The following KALRN variants were observed in gnomAD, a reference collection of about 807,000 sequenced individuals.
KALRN encodes kalirin RhoGEF kinase.
In KALRN, 70 loss-of-function variants were observed where a neutral mutation model predicts 353.7. The ratio of observed to expected loss-of-function variants is 0.20; its 90% CI spans 0.16 to 0.24. KALRN has a LOEUF of 0.24. KALRN is among the 10% of genes least tolerant of loss of function. KALRN has a pLI of 1.00. For missense variants in KALRN, 2,791 were observed against 3,756.7 expected (o/e 0.74, Z 6.72); for synonymous variants, 1,391 against 1,434.8 (o/e 0.97, Z 0.69).
chr3:124,670,502 CTT>C (rs1259297989), intron 47 of KALRN, among the ~76,000 whole-genome samples: 2 of 152,062 alleles, frequency 1.3e-5, no homozygotes, highest in Non-Finnish European at 2.9e-5. Context: ...CAGGCTTCTA[CTT>C]ACAGAGATGT....
At chr3:124,072,550 G>A (rs928554216) in intron 1 of KALRN, among the ~76,000 whole-genome samples, 3 of 152,134 alleles carry the variant, frequency 2.0e-5, no homozygotes, top group African/African-American at 7.2e-5. Context: ...TAACAGTGAA[G>A]CCCATCCTCC....
intron 18 of KALRN, among the ~76,000 whole-genome samples, chr3:124,440,839 A>G (rs967823189): frequency 5.3e-5 from 8 of 151,952 alleles, no homozygotes; most frequent in Admixed American, 2.0e-4. Flanking sequence ...TTGTAGAGAA[A>G]TACAGAAAGT....
At chr3:124,150,006 C>A (rs1339181637) in intron 1 of KALRN, among the ~76,000 whole-genome samples, 2 of 152,200 alleles carry the variant, frequency 1.3e-5, no homozygotes, top group African/African-American at 4.8e-5. Flanking sequence ...CCAATGAATG[C>A]CAAGCTGTTA....
At chr3:124,250,236 C>A (rs931728006) in intron 3 of KALRN, among the ~76,000 whole-genome samples, 1 of 152,150 alleles carries the variant, frequency 6.6e-6, no homozygotes, top group Non-Finnish European at 1.5e-5. Flanking sequence ...GGACTGTTTC[C>A]TGGAGGAAAC....
intron 10 of KALRN, among the ~76,000 whole-genome samples, chr3:124,377,275 C>G (rs924598327): frequency 6.6e-6 from 1 of 152,156 alleles, no homozygotes; most frequent in African/African-American, 2.4e-5. Context: ...ACTATGGACA[C>G]CTGGTTAACT....
Position 124,490,833 on chromosome 3 carries a change from G to C in KALRN, c.4536G>C (p.Glu1512Asp). Residue 1512 changes from glutamate to aspartate, a missense_variant, in exon 30 of 60, where the codon GAG becomes GAC. Coordinates refer to ENST00000682506, the MANE Select transcript of KALRN (RefSeq NM_001388419.1). ...AGATCTCCTTGGTTTTTAGCAAGGA[G>C]ATCAAAGATTCTTCAGGACACACGA... is the stretch of plus-strand genomic sequence containing the variant. ...LFEISLVFSK[E>D]IKDSSGHTKY... The C allele has an allele frequency of 6.2e-7, 1 of 1,613,982 alleles. No homozygotes were observed.
chr3:124,235,744 C>A (rs1179689654), intron 3 of KALRN, among the ~76,000 whole-genome samples: 1 of 152,230 alleles, frequency 6.6e-6, no homozygotes, highest in Admixed American at 6.5e-5. Flanking sequence ...GCACTGCTCT[C>A]TGTCTCTTAG....
intron 33 of KALRN, among the ~76,000 whole-genome samples, chr3:124,550,536 G>A (rs2070352363): frequency 6.6e-6 from 1 of 152,148 alleles, no homozygotes; most frequent in African/African-American, 2.4e-5. Context: ...CCTAGCCAGT[G>A]TAGTATGAGT....
At position 124,659,414 on chromosome 3, in the gene KALRN, T is replaced by G. The variant is rs1402663574; in HGVS notation, c.6173T>G (p.Ile2058Ser). Residue 2058 changes from isoleucine to serine, a missense_variant, in exon 43 of 60, where the codon ATC (isoleucine) becomes AGC (serine). This residue lies in a region of KALRN where 1,065 missense variants were observed against 1,156.4 expected (regional missense o/e 0.92). Coordinates refer to ENST00000682506, the MANE Select transcript of KALRN (RefSeq NM_001388419.1). The stretch of plus-strand genomic sequence containing the variant: ...AGGCTGACACTGAGTGACTTCCTCA[T>G]CAAGCCCATTCAGAGAATAACAAAA... ...NQRLTLSDFL[I>S]KPIQRITKYQ... is the part of the protein sequence containing the mutation. 6.2e-7 allele frequency: 1 copy of G among 1,613,796 alleles called. No homozygotes were observed. The highest frequency in any genetic ancestry group is 8.5e-7 in the Non-Finnish European group (1 of 1,179,808).
intron 21 of KALRN, among the ~76,000 whole-genome samples, chr3:124,451,830 A>C (rs1308008065): frequency 1.3e-5 from 2 of 152,170 alleles, no homozygotes; most frequent in Non-Finnish European, 2.9e-5. Context: ...AGAGTGGAAG[A>C]CCAGAATCTG....
chr3:124,085,325 A>G (rs756387664), intron 1 of KALRN, among the ~76,000 whole-genome samples: 1 of 152,246 alleles, frequency 6.6e-6, no homozygotes, highest in Non-Finnish European at 1.5e-5. Context: ...GGAACTTGAG[A>G]TGAAACATAG....
At chr3:124,143,054 G>C (rs1238957996) in intron 1 of KALRN, among the ~76,000 whole-genome samples, 1 of 151,908 alleles carries the variant, frequency 6.6e-6, no homozygotes, top group Admixed American at 6.5e-5. Context: ...TAGGCACATA[G>C]TAGGTGTTCA....
intron 47 of KALRN, among the ~76,000 whole-genome samples, chr3:124,669,501 A>C (rs901033651): frequency 2.6e-5 from 4 of 152,244 alleles, no homozygotes; most frequent in African/African-American, 4.8e-5. Context: ...ATTGTAAATA[A>C]CCAGGTAATA....
At chr3:124,668,559 C>G (rs1307624025) in intron 47 of KALRN, among the ~76,000 whole-genome samples, 2 of 152,196 alleles carry the variant, frequency 1.3e-5, no homozygotes, top group Non-Finnish European at 1.5e-5. Flanking sequence ...GATCATGTAA[C>G]AGGATGCCAC....
At chr3:124,320,542 T>A (rs959689800) in intron 6 of KALRN, among the ~76,000 whole-genome samples, 1 of 152,164 alleles carries the variant, frequency 6.6e-6, no homozygotes, top group South Asian at 2.1e-4. Context: ...TCACCTTTTG[T>A]AATACAGTTT....
chr3:124,249,030 G>A (rs1220951727), intron 3 of KALRN, among the ~76,000 whole-genome samples: 1 of 152,230 alleles, frequency 6.6e-6, no homozygotes, highest in African/African-American at 2.4e-5. Context: ...TTTTGAACTT[G>A]GAGGAAAGCA....
intron 13 of KALRN, among the ~76,000 whole-genome samples, chr3:124,411,912 G>A (rs1277377294): frequency 1.3e-5 from 2 of 152,084 alleles, no homozygotes. Flanking sequence ...AGTAATACTG[G>A]GTTTTCCTGC....
intron 10 of KALRN, among the ~76,000 whole-genome samples, chr3:124,360,694 ATAAT>A (rs1346105078): frequency 2.6e-5 from 4 of 152,250 alleles, no homozygotes; most frequent in Non-Finnish European, 5.9e-5. Flanking sequence ...ATGTCTTCCA[ATAAT>A]TAATCTCAAC....
intron 57 of KALRN, among the ~76,000 whole-genome samples, chr3:124,707,675 T>C (rs1332108234): frequency 6.6e-6 from 1 of 152,118 alleles, no homozygotes; most frequent in African/African-American, 2.4e-5. Context: ...TGCTTAATTG[T>C]TTTTTTGTGT....
Sources: gnomAD v4.1 joint callset for allele counts (sites outside exome capture counted in the v4.1 genomes callset) on GRCh38, gnomAD v4.1.1 for gene constraint, gnomAD v4.1.1 regional missense constraint, MANE v1.5 for transcripts, NCBI Gene and HGNC (gene_info 2026-07-23, HGNC 2026-07-21) for gene names.